Variants in GTF2A1 observed in about 807,000 individuals in gnomAD.
GTF2A1 encodes general transcription factor IIA subunit 1, also known as transcription initiation factor IIA subunit 1.
GTF2A1 carries 12 observed loss-of-function variants against 54.1 expected under a neutral mutation model. The observed-to-expected ratio is 0.22, with a 90% CI of 0.14 to 0.36. The LOEUF is 0.36. GTF2A1 is among the 10% of genes least tolerant of loss of function. The probability of loss-of-function intolerance (pLI) is 1.00; values close to 1 mark genes in which losing one functional copy is unlikely to be tolerated. For synonymous variants in GTF2A1, 145 were observed against 152.0 expected (o/e 0.95, Z 0.34); for missense variants, 335 against 442.2 (o/e 0.76, Z 2.17).
At chr14:81,193,686 G>C (rs1595214359) in intron 6 of GTF2A1, among the ~76,000 whole-genome samples, 1 of 152,150 alleles carries the variant, frequency 6.6e-6, no homozygotes, top group East Asian at 1.9e-4. Context: ...AAAACCACCA[G>C]ATCAGATTTC....
intron 1 of GTF2A1, among the ~76,000 whole-genome samples, chr14:81,217,390 A>G (rs972017758): frequency 3.9e-5 from 6 of 152,228 alleles, no homozygotes; most frequent in African/African-American, 1.4e-4. Flanking sequence ...TTAACCTGTT[A>G]GACAAAAGGA....
At chr14:81,209,944 CA>C in intron 2 of GTF2A1, 2 of 1,235,552 alleles carry the variant, frequency 1.6e-6, no homozygotes, top group Non-Finnish European at 2.1e-6. Flanking sequence ...GATCTAATTT[CA>C]AAGAAGGGAA....
chr14:81,177,829 C>T lies in GTF2A1; in HGVS notation c.*2394G>A, dbSNP rs1445630501. The T allele has an allele frequency of 6.6e-6, 1 of 152,004 alleles. No homozygotes were observed. The highest frequency in any genetic ancestry group is 1.5e-5 in the Non-Finnish European group (1 of 67,950). The allele number at this position is 152,004 out of a possible 1,614,324, so 9.4% of individuals were successfully genotyped here. On this transcript the variant is annotated 3_prime_UTR_variant, in exon 9 of 9. Transcript: ENST00000553612. The stretch of plus-strand genomic sequence containing the variant: ...AGTGACATTCTTACAGCAAAAGCTA[C>T]TATAATAAAACTAAAACATGCTATT...
rs570446559 is a variant in GTF2A1 at position 81,214,442 on chromosome 14, G to A, written c.132+1971C>T. Among the ~76,000 whole-genome samples, 55 of 151,982 alleles carry A rather than the reference G, an allele frequency of 3.6e-4. 1 individual carries two copies. In the South Asian group the frequency reaches 0.011, roughly 30 times the overall value. On this transcript the variant is annotated intron_variant, in intron 2 of 8. Transcript: ENST00000553612. The stretch of plus-strand genomic sequence containing the variant: ...GGGGGGATCACAAGGTCAGGAGATC[G>A]AGACCATCCTGGCTAACACGGTGAA...
At chr14:81,201,394 A>T (rs1158917328) in intron 4 of GTF2A1, among the ~76,000 whole-genome samples, 200 bp downstream of exon 4, 1 of 152,218 alleles carries the variant, frequency 6.6e-6, no homozygotes, top group African/African-American at 2.4e-5. Context: ...TGGTATTCTT[A>T]AACAATTCCG....
chr14:81,197,554 A>C, intron 4 of GTF2A1, 70 bp from the exon 5 acceptor site: 2 of 835,688 alleles, frequency 2.4e-6, no homozygotes, highest in Non-Finnish European at 3.8e-6. Context: ...AGCATATTTT[A>C]ATAGTGTATG....
chr14:81,220,264 A>G (rs189178521), intron 1 of GTF2A1, among the ~76,000 whole-genome samples: 111,164 of 141,054 alleles, frequency 0.79, 44,091 homozygotes, highest in African/African-American at 0.9. Context: ...CCCAGGCCCC[A>G]CCGGCGCCCC....
At position 81,180,128 on chromosome 14, in the gene GTF2A1, A is replaced by G; in HGVS notation, c.*95T>C. 1 of 579,664 alleles carries G rather than the reference A, an allele frequency of 1.7e-6. No homozygotes were observed. The highest frequency in any genetic ancestry group is 2.9e-5 in the East Asian group (1 of 34,602). The allele number at this position is 579,664 out of a possible 1,614,324, so 35.9% of individuals were successfully genotyped here. On this transcript the variant is annotated 3_prime_UTR_variant, in exon 9 of 9. Transcript: ENST00000553612. ...TACTGCACTTTTCTGACATGCAGAAACGAAGTTTTGGTTGGCATATGCCCC... is the reference window on the plus strand; with the variant it reads ...TACTGCACTTTTCTGACATGCAGAAGCGAAGTTTTGGTTGGCATATGCCCC...
chr14:81,195,235 T>C (rs1003452271), intron 6 of GTF2A1, among the ~76,000 whole-genome samples: 3 of 149,096 alleles, frequency 2.0e-5, no homozygotes, highest in Admixed American at 2.0e-4. Flanking sequence ...AGCATTTTAG[T>C]GACAAATCAT....
intron 7 of GTF2A1, among the ~76,000 whole-genome samples, chr14:81,191,388 G>T (rs943662163): frequency 6.6e-6 from 1 of 152,054 alleles, no homozygotes; most frequent in Non-Finnish European, 1.5e-5. Context: ...ATAACTGTTT[G>T]TAACAGTAAA....
chr14:81,192,216 C>T (rs374692845), intron 7 of GTF2A1, among the ~76,000 whole-genome samples: 8 of 152,198 alleles, frequency 5.3e-5, no homozygotes, highest in African/African-American at 1.9e-4. Flanking sequence ...GTTTAAGCCA[C>T]ATTATAAATG....
rs557926202 is a variant in GTF2A1 at position 81,176,270 on chromosome 14, C to T, written c.*3953G>A. 1.3e-5 allele frequency: 2 copies of T among 152,086 alleles called. No homozygotes were observed. The highest frequency in any genetic ancestry group is 2.9e-5 in the Non-Finnish European group (2 of 67,974). The allele number at this position is 152,086 out of a possible 1,614,324, so 9.4% of individuals were successfully genotyped here. Reference sequence around the variant, plus strand: ...AGATGGTCTTTAAAACATAATATCCCATATATCACAGAAGAGCAACCTTGA... The same window carrying T: ...AGATGGTCTTTAAAACATAATATCCTATATATCACAGAAGAGCAACCTTGA... On this transcript the variant is annotated 3_prime_UTR_variant, in exon 9 of 9. Transcript: ENST00000553612.
intron 4 of GTF2A1, among the ~76,000 whole-genome samples, chr14:81,199,051 C>G (rs1893049100): frequency 6.6e-6 from 1 of 151,872 alleles, no homozygotes; most frequent in South Asian, 2.1e-4. Context: ...GCTATATAAG[C>G]AAATTAAAGG....
chr14:81,219,804 C>T (rs1178252428), intron 1 of GTF2A1, among the ~76,000 whole-genome samples: 1 of 152,156 alleles, frequency 6.6e-6, no homozygotes, highest in Non-Finnish European at 1.5e-5. Flanking sequence ...ACACTTGGAC[C>T]ACTGCAGGCT....
At chr14:81,201,310 A>C (rs1286793420) in intron 4 of GTF2A1, among the ~76,000 whole-genome samples, 4 of 152,162 alleles carry the variant, frequency 2.6e-5, no homozygotes, top group Non-Finnish European at 4.4e-5. Flanking sequence ...TTGGCATTAT[A>C]AGCTTGGTAG....
At chr14:81,190,907 G>A (rs2140152711) in intron 7 of GTF2A1, among the ~76,000 whole-genome samples, 1 of 152,190 alleles carries the variant, frequency 6.6e-6, no homozygotes, top group Admixed American at 6.5e-5. Context: ...TTAGGACGGT[G>A]GCTGGTTCAA....
intron 1 of GTF2A1, among the ~76,000 whole-genome samples, chr14:81,217,631 C>A (rs1012671357): frequency 6.6e-6 from 1 of 152,140 alleles, no homozygotes; most frequent in Non-Finnish European, 1.5e-5. Flanking sequence ...GAAACCCAAT[C>A]TCCACAAAAA....
At chr14:81,211,902 T>TATAA (rs1454414989) in intron 2 of GTF2A1, among the ~76,000 whole-genome samples, 1 of 139,294 alleles carries the variant, frequency 7.2e-6, no homozygotes, top group African/African-American at 2.7e-5. Context: ...TATATATATA[T>TATAA]ATATATAACT....
intron 3 of GTF2A1, among the ~76,000 whole-genome samples, chr14:81,202,316 G>C (rs1481304514): frequency 6.6e-6 from 1 of 152,186 alleles, no homozygotes; most frequent in African/African-American, 2.4e-5. Context: ...GTTACAATGA[G>C]TTACTAATCC....
Sources: allele counts gnomAD v4.1 joint callset (sites outside exome capture counted in the v4.1 genomes callset), GRCh38; gene constraint gnomAD v4.1.1; transcripts MANE v1.5; gene names NCBI Gene and HGNC (gene_info 2026-07-23, HGNC 2026-07-21).